MALRD1: variants seen among roughly 807,000 people sequenced by gnomAD.
The protein encoded by MALRD1 is MAM and LDL receptor class A domain containing 1.
MALRD1 carries 247 observed loss-of-function variants against 242.1 expected under a neutral mutation model. The ratio of observed to expected loss-of-function variants is 1.02; its 90% CI spans 0.92 to 1.13. The LOEUF is 1.13. Among genes scored for constraint, MALRD1 ranks in the 50% most tolerant of loss-of-function variants. MALRD1 has a pLI of 0.00. For synonymous variants in MALRD1, 995 were observed against 866.6 expected (o/e 1.15, Z -2.60); for missense variants, 2,989 against 2,533.1 (o/e 1.18, Z -3.86).
At chr10:19,464,841 A>G (rs1202337073) in intron 29 of MALRD1, among the ~76,000 whole-genome samples, 1 of 152,120 alleles carries the variant, frequency 6.6e-6, no homozygotes, top group Non-Finnish European at 1.5e-5. Context: ...CCATCCCCGA[A>G]CATGGGACGT....
intron 5 of MALRD1, among the ~76,000 whole-genome samples, chr10:19,111,163 G>C (rs946243553): frequency 6.6e-6 from 1 of 151,932 alleles, no homozygotes; most frequent in Non-Finnish European, 1.5e-5. Context: ...ATATTCAGAA[G>C]ACAAATGTCA....
chr10:19,338,571 G>T (rs1393052651), intron 24 of MALRD1, among the ~76,000 whole-genome samples: 1 of 149,088 alleles, frequency 6.7e-6, no homozygotes, highest in African/African-American at 2.6e-5. Flanking sequence ...TCCCTGACAT[G>T]TGGGGATTAC....
rs1457479285 is a variant in MALRD1, at chr10:19,139,666, A to G, written c.1411+2885A>G. Among the ~76,000 whole-genome samples, 3 of 152,196 alleles carry G rather than the reference A, an allele frequency of 2.0e-5. No individual in the cohort carries two copies. In the East Asian group the frequency reaches 5.8e-4, roughly 29 times the overall value. On this transcript the variant is annotated intron_variant, in intron 10 of 39. Coordinates refer to ENST00000454679, the MANE Select transcript of MALRD1 (RefSeq NM_001142308.3). ...TTTCGGTATTATTTTAATATATGGCATAACATAGCCTCCAGACCGGTGGCT... is the reference window on the plus strand; with the variant it reads ...TTTCGGTATTATTTTAATATATGGCGTAACATAGCCTCCAGACCGGTGGCT...
chr10:19,692,399 G>A, intron 37 of MALRD1, 38 bp downstream of exon 37: 1 of 1,531,672 alleles, frequency 6.5e-7, no homozygotes, highest in Non-Finnish European at 8.7e-7. Context: ...GCTTGGTTTG[G>A]GGTGGTCTCT....
At chr10:19,332,771 ATAT>A (rs1171567480) in intron 24 of MALRD1, among the ~76,000 whole-genome samples, 3 of 152,192 alleles carry the variant, frequency 2.0e-5, no homozygotes, top group East Asian at 1.9e-4. Flanking sequence ...CATGGGAAAG[ATAT>A]TATTAGTGCA....
intron 4 of MALRD1, among the ~76,000 whole-genome samples, 193 bp from the exon 5 acceptor site, chr10:19,103,786 G>C (rs1836366371): frequency 6.6e-6 from 1 of 152,154 alleles, no homozygotes; most frequent in Non-Finnish European, 1.5e-5. Flanking sequence ...TTGAGATACA[G>C]TGATGACCCT....
intron 18 of MALRD1, among the ~76,000 whole-genome samples, chr10:19,224,126 T>C (rs1050367831): frequency 4.6e-5 from 7 of 152,180 alleles, no homozygotes; most frequent in African/African-American, 9.7e-5. Flanking sequence ...ATTGCTACAC[T>C]GTCTTCCACA....
chr10:19,658,540 TAG>T (rs1343445349), intron 36 of MALRD1, among the ~76,000 whole-genome samples: 1 of 152,048 alleles, frequency 6.6e-6, no homozygotes. Context: ...TTTGGAATAT[TAG>T]AGAGATCTTT....
At chr10:19,512,943 G>C (rs1425912596) in intron 31 of MALRD1, among the ~76,000 whole-genome samples, 1 of 151,836 alleles carries the variant, frequency 6.6e-6, no homozygotes, top group African/African-American at 2.4e-5. Context: ...GTCCTCCATG[G>C]GTGTACAATT....
At chr10:19,367,344 C>T (rs1845152025) in intron 26 of MALRD1, among the ~76,000 whole-genome samples, 1 of 152,130 alleles carries the variant, frequency 6.6e-6, no homozygotes, top group South Asian at 2.1e-4. Context: ...TTAGCTTCTA[C>T]ATATGAGTGA....
At chr10:19,448,702 G>T (rs1336967698) in intron 28 of MALRD1, among the ~76,000 whole-genome samples, 1 of 151,684 alleles carries the variant, frequency 6.6e-6, no homozygotes, top group African/African-American at 2.4e-5. Flanking sequence ...AGCTATCCAT[G>T]TTTACATAAG....
intron 5 of MALRD1, among the ~76,000 whole-genome samples, chr10:19,116,065 A>T (rs1836860315): frequency 6.6e-6 from 1 of 152,166 alleles, no homozygotes; most frequent in Non-Finnish European, 1.5e-5. Flanking sequence ...CCCTTCCAAG[A>T]TATGAAATTT....
chr10:19,295,797 C>T (rs1474666114), intron 21 of MALRD1, among the ~76,000 whole-genome samples: 1 of 152,180 alleles, frequency 6.6e-6, no homozygotes, highest in Non-Finnish European at 1.5e-5. Flanking sequence ...TTCTCAAGCA[C>T]ATCAGAATTG....
chr10:19,340,379 A>C (rs375283438), intron 24 of MALRD1, among the ~76,000 whole-genome samples: 11 of 151,108 alleles, frequency 7.3e-5, no homozygotes, highest in African/African-American at 2.7e-4. Context: ...ACATCCCCAC[A>C]AGGTTCTGTG....
chr10:19,230,942 C>G (rs1229529856), intron 18 of MALRD1, among the ~76,000 whole-genome samples: 1 of 152,110 alleles, frequency 6.6e-6, no homozygotes, highest in Non-Finnish European at 1.5e-5. Context: ...ATAGCTCTGC[C>G]TACATAGAAT....
chr10:19,659,703 A>G (rs1324939253), intron 36 of MALRD1, among the ~76,000 whole-genome samples: 5 of 152,164 alleles, frequency 3.3e-5, no homozygotes, highest in Non-Finnish European at 7.3e-5. Context: ...TATAGATTGC[A>G]TATTTAATTT....
intron 18 of MALRD1, among the ~76,000 whole-genome samples, chr10:19,242,430 G>C (rs1334168399): frequency 1.3e-5 from 2 of 152,164 alleles, no homozygotes; most frequent in East Asian, 1.9e-4. Flanking sequence ...TTACCTGCTA[G>C]GTCCATTTGG....
chr10:19,167,113 G>C (rs769106423), intron 13 of MALRD1, among the ~76,000 whole-genome samples: 1 of 152,014 alleles, frequency 6.6e-6, no homozygotes, highest in Non-Finnish European at 1.5e-5. Flanking sequence ...TAATCCCAGC[G>C]CTTTGGGAGG....
chr10:19,088,271 C>A, intron 4 of MALRD1, 86 bp downstream of exon 4: 1 of 1,153,930 alleles, frequency 8.7e-7, no homozygotes, highest in African/African-American at 1.6e-5. Context: ...AGTAAGGCAA[C>A]TGTCCCAGTT....
Sources: gnomAD v4.1 joint callset for allele counts (sites outside exome capture counted in the v4.1 genomes callset) on GRCh38, gnomAD v4.1.1 for gene constraint, MANE v1.5 for transcripts, NCBI Gene and HGNC (gene_info 2026-07-23, HGNC 2026-07-21) for gene names.